Variants in SLC30A8 observed in about 807,000 individuals in gnomAD.
SLC30A8 encodes proton-coupled zinc antiporter SLC30A8.
SLC30A8 carries 27 observed loss-of-function variants against 36.9 expected under a neutral mutation model. The ratio of observed to expected loss-of-function variants is 0.73; its 90% confidence interval spans 0.54 to 1.01. SLC30A8 has a LOEUF of 1.01. SLC30A8 is among the 50% of genes least tolerant of loss of function. The probability of loss-of-function intolerance (pLI) is 0.00; values close to 1 mark genes in which losing one functional copy is unlikely to be tolerated. For missense variants in SLC30A8, 439 were observed against 452.0 expected (o/e 0.97, Z 0.26); for synonymous variants, 164 against 172.4 (o/e 0.95, Z 0.38).
chr8:117,137,571 T>A (rs1291749205), intron 1 of SLC30A8, among the ~76,000 whole-genome samples: 2 of 152,102 alleles, frequency 1.3e-5, no homozygotes, highest in East Asian at 3.9e-4. Flanking sequence ...TCTGCTGGTA[T>A]CTGGGCTAGG....
chr8:117,172,856 C>T lies in SLC30A8; in HGVS notation c.*175C>T, dbSNP rs902755724. 26 of 702,040 alleles carry T rather than the reference C, an allele frequency of 3.7e-5. No homozygotes were observed. The highest frequency in any genetic ancestry group is 5.4e-5 in the Non-Finnish European group (23 of 423,762). 43.5% of individuals were successfully genotyped at this position (702,040 alleles called of 1,614,324 possible). Reference sequence around the variant, plus strand: ...CCATGAAGGAAGAGGCACTGAGATCCATCAATCAATTGGATTATATACTGA... The same window carrying T: ...CCATGAAGGAAGAGGCACTGAGATCTATCAATCAATTGGATTATATACTGA... On this transcript the variant is annotated 3_prime_UTR_variant, in exon 8 of 8. Transcript: ENST00000456015.
At position 116,965,945 on chromosome 8, in the gene SLC30A8, G is replaced by A. The variant is rs180733714; in HGVS notation, c.-266+14826G>A. ...GTTACCCAGGCTGGGGTGCAGTGGC[G>A]TGATCTCAGCTCACTGCAACCTCTG... On this transcript the variant is annotated intron_variant, in intron 1 of 10. Coordinates refer to the SLC30A8 transcript ENST00000427715. 4.5e-3 allele frequency among the ~76,000 whole-genome samples: 675 copies of A among 148,962 alleles called. 12 individuals carry two copies. In the East Asian group the frequency reaches 0.062, roughly 14 times the overall value.
chr8:117,071,226 G>T (rs758832105), intron 2 of SLC30A8, among the ~76,000 whole-genome samples: 2 of 151,630 alleles, frequency 1.3e-5, no homozygotes, highest in Non-Finnish European at 2.9e-5. Flanking sequence ...TTTTTTTGTT[G>T]TTGTTGAGAG....
intron 2 of SLC30A8, among the ~76,000 whole-genome samples, chr8:117,057,338 A>T (rs902643455): frequency 6.6e-6 from 1 of 152,218 alleles, no homozygotes; most frequent in African/African-American, 2.4e-5. Context: ...GCTTACCACA[A>T]TTGAATTAAT....
At chr8:117,113,227 C>G (rs560148466) in intron 2 of SLC30A8, among the ~76,000 whole-genome samples, 53 of 152,244 alleles carry the variant, frequency 3.5e-4, no homozygotes, top group African/African-American at 1.3e-3. Flanking sequence ...AGAGGCAAAG[C>G]TCTAAGCAGA....
intron 1 of SLC30A8, among the ~76,000 whole-genome samples, chr8:116,956,661 T>C (rs1285881135): frequency 1.3e-5 from 2 of 152,238 alleles, no homozygotes; most frequent in Non-Finnish European, 2.9e-5. Flanking sequence ...CTCTCTCTTA[T>C]TTAATCCCAT....
rs569317220 is a variant in SLC30A8 at position 116,962,488 on chromosome 8, G to A, written c.-266+11369G>A. On this transcript the variant is annotated intron_variant, in intron 1 of 10. Coordinates refer to the SLC30A8 transcript ENST00000427715. ...TCATAGCTTTTATTCTCCTCAATCC[G>A]TCCCCAAACTGTTCTTACTGATGCT... Among the ~76,000 whole-genome samples the A allele has an allele frequency of 6.1e-4, 92 of 151,870 alleles. 1 individual carries two copies. The highest frequency in any genetic ancestry group is 2.0e-3 in the African/African-American group (81 of 41,448).
chr8:116,968,313 TATA>T (rs887510098), intron 1 of SLC30A8, among the ~76,000 whole-genome samples: 58 of 150,294 alleles, frequency 3.9e-4, no homozygotes, highest in African/African-American at 1.1e-3. Flanking sequence ...ATAGCTATAC[TATA>T]ATAATATATA....
intron 2 of SLC30A8, among the ~76,000 whole-genome samples, chr8:117,064,176 G>C (rs1586460278): frequency 6.6e-6 from 1 of 152,036 alleles, no homozygotes; most frequent in East Asian, 1.9e-4. Context: ...ATTTTTAGTA[G>C]AGATGAGGAT....
At chr8:117,064,744 G>A (rs1207507786) in intron 2 of SLC30A8, among the ~76,000 whole-genome samples, 2 of 152,200 alleles carry the variant, frequency 1.3e-5, no homozygotes, top group African/African-American at 2.4e-5. Context: ...CTTTCTCTGC[G>A]CCAGGAGGCT....
rs1406555569 is a variant in SLC30A8 at position 117,097,353 on chromosome 8, C to T, written c.-225-37927C>T. Among the ~76,000 whole-genome samples, 6 of 122,462 alleles carry T rather than the reference C, an allele frequency of 4.9e-5. No individual in the cohort carries two copies. The South Asian group carries it at 9.9e-4, about 20-fold the overall frequency. 80.3% of individuals were successfully genotyped at this position (122,462 alleles called of 152,430 possible). A position where few individuals can be genotyped will look rare whatever the true frequency, so the allele number is the denominator to read the frequency against. ...TGGAGCTTGCAGTGAGCCGAGATCG[C>T]GCCACTGCACTCTAGCCTGGGTGAC... is the stretch of plus-strand genomic sequence containing the variant. On this transcript the variant is annotated intron_variant, in intron 2 of 10. Coordinates refer to the SLC30A8 transcript ENST00000427715.
At chr8:117,069,858 A>G (rs1015506188) in intron 2 of SLC30A8, among the ~76,000 whole-genome samples, 1 of 152,220 alleles carries the variant, frequency 6.6e-6, no homozygotes, top group African/African-American at 2.4e-5. Flanking sequence ...CTATGGGAAG[A>G]TGGCCCAAAC....
At chr8:117,107,234 G>A (rs1820033811) in intron 2 of SLC30A8, among the ~76,000 whole-genome samples, 1 of 152,036 alleles carries the variant, frequency 6.6e-6, no homozygotes, top group Non-Finnish European at 1.5e-5. Flanking sequence ...ACCAATAACA[G>A]GATGTCATAT....
chr8:117,048,436 A>C (rs1216825391), intron 2 of SLC30A8, among the ~76,000 whole-genome samples: 1 of 152,184 alleles, frequency 6.6e-6, no homozygotes, highest in Non-Finnish European at 1.5e-5. Flanking sequence ...CTCCCCTCGT[A>C]TATCCCTCAC....
chr8:117,147,620 C>T (rs1429595802), intron 2 of SLC30A8: 2 of 157,830 alleles, frequency 1.3e-5, no homozygotes, highest in Non-Finnish European at 2.8e-5. Flanking sequence ...CTCTGCCTGT[C>T]TTTCTGGTTA....
At chr8:117,010,260 T>G (rs966083267) in intron 1 of SLC30A8, among the ~76,000 whole-genome samples, 1 of 152,148 alleles carries the variant, frequency 6.6e-6, no homozygotes. Flanking sequence ...GGCCTGACTT[T>G]GGGTGAGGGA....
intron 2 of SLC30A8, among the ~76,000 whole-genome samples, chr8:117,063,044 C>T (rs1466842733): frequency 6.6e-6 from 1 of 152,076 alleles, no homozygotes; most frequent in Non-Finnish European, 1.5e-5. Context: ...ACTTCGAGTC[C>T]AACAATGCGA....
intron 1 of SLC30A8, among the ~76,000 whole-genome samples, chr8:116,956,917 A>G (rs569929193): frequency 2.6e-5 from 4 of 152,370 alleles, no homozygotes; most frequent in African/African-American, 9.6e-5. Context: ...AGCATACCAA[A>G]AATGACTATC....
At chr8:116,996,998 G>A (rs1309493817) in intron 1 of SLC30A8, among the ~76,000 whole-genome samples, 2 of 151,194 alleles carry the variant, frequency 1.3e-5, no homozygotes, top group East Asian at 3.9e-4. Flanking sequence ...TTTTGAGACG[G>A]AGTTTTGCTC....
Sources: gnomAD v4.1 joint callset for allele counts (sites outside exome capture counted in the v4.1 genomes callset) on GRCh38, gnomAD v4.1.1 for gene constraint, MANE v1.5 for transcripts, NCBI Gene and HGNC (gene_info 2026-07-23, HGNC 2026-07-21) for gene names.